CUBN: variants seen among roughly 807,000 people sequenced by gnomAD.
The protein encoded by CUBN is 460 kDa receptor.
A neutral mutation model predicts 405.3 loss-of-function variants in CUBN; 282 were observed. The observed-to-expected ratio is 0.70, with a 90% CI of 0.63 to 0.77. The LOEUF is 0.77. Among genes scored for constraint, CUBN ranks in the 30% least tolerant of loss-of-function variants. The pLI is 0.00. For missense variants in CUBN, 4,514 were observed against 4,475.2 expected (o/e 1.01, Z -0.25); for synonymous variants, 1,684 against 1,617.0 (o/e 1.04, Z -0.99).
chr10:17,023,243 G>A (rs2131790826), intron 27 of CUBN, among the ~76,000 whole-genome samples: 1 of 143,716 alleles, frequency 7.0e-6, no homozygotes, highest in Non-Finnish European at 1.5e-5. Flanking sequence ...CAACACTGAT[G>A]AATGACAATT....
intron 31 of CUBN, among the ~76,000 whole-genome samples, chr10:16,976,900 A>C (rs367578589): frequency 5.3e-5 from 8 of 152,060 alleles, no homozygotes; most frequent in Admixed American, 3.3e-4. Context: ...TCAGTTCTCA[A>C]ATTTGTAGTT....
intron 6 of CUBN, among the ~76,000 whole-genome samples, 170 bp from the exon 7 acceptor site, chr10:17,115,767 C>T (rs1246034433): frequency 1.3e-5 from 2 of 152,258 alleles, no homozygotes; most frequent in Non-Finnish European, 2.9e-5. Flanking sequence ...AATCACTCTG[C>T]TGTGCTCCAA....
At position 17,103,612 on chromosome 10, in the gene CUBN, A is replaced by C. The variant is rs571783562; in HGVS notation, c.1418-375T>G. On this transcript the variant is annotated intron_variant, in intron 12 of 66. Coordinates refer to ENST00000377833, the MANE Select transcript of CUBN (RefSeq NM_001081.4). The stretch of plus-strand genomic sequence containing the variant: ...TCCTCAGCTGCAAGGTGAGCAGTTC[A>C]TAAGTGGAGACAGTATTTTACACTT... Among the ~76,000 whole-genome samples, 3 of 152,250 alleles carry C rather than the reference A, an allele frequency of 2.0e-5. No individual in the cohort carries two copies. In the South Asian group the frequency reaches 6.2e-4, roughly 31 times the overall value.
chr10:16,974,302 C>G (rs1833025101), intron 31 of CUBN, among the ~76,000 whole-genome samples: 1 of 152,224 alleles, frequency 6.6e-6, no homozygotes, highest in South Asian at 2.1e-4. Context: ...TTAGCTGAAG[C>G]ACTGTGCTGA....
intron 27 of CUBN, among the ~76,000 whole-genome samples, chr10:17,020,510 C>G (rs540377727): frequency 3.9e-5 from 6 of 151,930 alleles, no homozygotes; most frequent in Admixed American, 2.0e-4. Flanking sequence ...TAAATGCTAC[C>G]TGTAAAATAA....
Position 17,088,166 on chromosome 10 carries a change from C to G in CUBN, c.1945G>C (p.Glu649Gln). ...TCTATCTAAATATAATTATTTACCT[C>G]AAGGTAATCTTTGTTGCAGTCATCA... ...HHDDCNKDYLEIRDGPLYQDP... is the reference protein window; with the variant it reads ...HHDDCNKDYLQIRDGPLYQDP... The change falls in exon 15 of 67, where the codon GAG (glutamate) becomes CAG (glutamine). Residue 649 changes from glutamate to glutamine, a missense_variant and splice_region_variant. Transcript: ENST00000377833. 2.5e-6 allele frequency: 4 copies of G among 1,608,872 alleles called. No homozygotes were observed. The East Asian group carries it at 8.9e-5, about 36-fold the overall frequency.
chr10:16,931,856 C>A (rs1236001660), intron 40 of CUBN, among the ~76,000 whole-genome samples: 1 of 152,106 alleles, frequency 6.6e-6, no homozygotes, highest in Non-Finnish European at 1.5e-5. Flanking sequence ...AAAAGAATAA[C>A]CATAATTTAC....
At chr10:16,971,285 G>T (rs1832925047) in intron 31 of CUBN, among the ~76,000 whole-genome samples, 1 of 152,188 alleles carries the variant, frequency 6.6e-6, no homozygotes, top group South Asian at 2.1e-4. Flanking sequence ...GGACTTTGGG[G>T]TACGTTTCCC....
chr10:17,001,497 G>T (rs905838662), intron 28 of CUBN, among the ~76,000 whole-genome samples: 1 of 152,176 alleles, frequency 6.6e-6, no homozygotes, highest in Non-Finnish European at 1.5e-5. Flanking sequence ...GCCACAGAGC[G>T]CCGACTGGCG....
Position 17,114,037 on chromosome 10 carries a change from G to A in CUBN, c.873C>T (p.Ala291=). The change falls in exon 8 of 67, where the codon GCC becomes GCT. Residue 291 remains alanine, a synonymous_variant. Coordinates refer to ENST00000377833, the MANE Select transcript of CUBN (RefSeq NM_001081.4). The part of the protein sequence containing the change: ...FNTQGSFYCG[A]CPTGWQGNGY... Reference sequence around the variant, plus strand: ...GCCCTGAGAATGTACCTGTTGGACAGGCCCCACAGTAGAAAGAGCCTTGAG... The same window carrying A: ...GCCCTGAGAATGTACCTGTTGGACAAGCCCCACAGTAGAAAGAGCCTTGAG... 1 of 1,612,658 alleles carries A rather than the reference G, an allele frequency of 6.2e-7. No homozygotes were observed. Among genetic ancestry groups the A allele is most frequent in the South Asian group, 1.1e-5 (1 of 90,626 alleles).
At chr10:16,859,254 T>C (rs1328550661) in intron 59 of CUBN, among the ~76,000 whole-genome samples, 1 of 151,892 alleles carries the variant, frequency 6.6e-6, no homozygotes, top group Non-Finnish European at 1.5e-5. Flanking sequence ...TGAGAATAGA[T>C]AAAAAGCTCT....
At position 16,928,259 on chromosome 10, in the gene CUBN, C is replaced by T; in HGVS notation, c.6169G>A (p.Glu2057Lys). 1 of 1,613,936 alleles carries T rather than the reference C, an allele frequency of 6.2e-7. No homozygotes were observed. Among genetic ancestry groups the T allele is most frequent in the Non-Finnish European group, 8.5e-7 (1 of 1,179,900 alleles). Residue 2057 changes from glutamate to lysine, a missense_variant, in exon 41 of 67, where the codon GAG (glutamate) becomes AAG (lysine). By Grantham distance (56) the Glu-to-Lys change is moderately conservative. Coordinates refer to ENST00000377833, the MANE Select transcript of CUBN (RefSeq NM_001081.4). ...AQQLAVLCGR[E>K]IPGPIRSTGE... ...GTAGACCGGATGGGCCCAGGGATCT[C>T]TCTGCCACAGAGAACTGCTAGCTGC...
intron 59 of CUBN, among the ~76,000 whole-genome samples, chr10:16,852,149 CTCT>C (rs1839727030): frequency 7.7e-6 from 1 of 130,352 alleles, no homozygotes; most frequent in Non-Finnish European, 1.7e-5. Context: ...CCCTCCCTCA[CTCT>C]ATCTTTCCCT....
chr10:16,978,359 T>C (rs1454774948), intron 31 of CUBN, among the ~76,000 whole-genome samples: 3 of 152,210 alleles, frequency 2.0e-5, no homozygotes, highest in African/African-American at 7.2e-5. Context: ...CATTGGCTAC[T>C]TTTAGAAAGA....
intron 49 of CUBN, among the ~76,000 whole-genome samples, chr10:16,906,650 G>T (rs895669292): frequency 1.3e-5 from 2 of 152,152 alleles, no homozygotes; most frequent in African/African-American, 4.8e-5. Context: ...ATTAAGTGGT[G>T]GGCGTTTGGC....
At chr10:17,050,767 G>A (rs1328806915) in intron 22 of CUBN, among the ~76,000 whole-genome samples, 1 of 152,022 alleles carries the variant, frequency 6.6e-6, no homozygotes, top group African/African-American at 2.4e-5. Flanking sequence ...AGAACTTCCG[G>A]GCCAAAGGAT....
intron 40 of CUBN, among the ~76,000 whole-genome samples, chr10:16,932,497 CA>C (rs11353158): frequency 0.18 from 27,422 of 152,104 alleles, 2,605 homozygotes; most frequent in East Asian, 0.3. Flanking sequence ...TGCCTGTGTA[CA>C]AAGGAAAGAA....
Position 16,968,749 on chromosome 10 carries a change from G to A in CUBN, c.4695+13735C>T, listed in dbSNP as rs1166291696. ...TAAGCAATTTAACTGTCAGTCAGAGGTCACTTTAATACTCAGCCTTCGTGA... is the reference window on the plus strand; with the variant it reads ...TAAGCAATTTAACTGTCAGTCAGAGATCACTTTAATACTCAGCCTTCGTGA... On this transcript the variant is annotated intron_variant, in intron 31 of 66. Transcript: ENST00000377833. 3.3e-5 allele frequency among the ~76,000 whole-genome samples: 5 copies of A among 152,224 alleles called. No homozygotes were observed. In the East Asian group the frequency reaches 9.6e-4, roughly 29 times the overall value.
At chr10:17,082,316 G>T (rs574246924) in intron 17 of CUBN, among the ~76,000 whole-genome samples, 2 of 152,284 alleles carry the variant, frequency 1.3e-5, no homozygotes, top group South Asian at 4.1e-4. Flanking sequence ...GAAGTTAGGT[G>T]AACTAACTTT....
Sources: allele counts gnomAD v4.1 joint callset (sites outside exome capture counted in the v4.1 genomes callset), GRCh38; gene constraint gnomAD v4.1.1; transcripts MANE v1.5; gene names NCBI Gene and HGNC (gene_info 2026-07-23, HGNC 2026-07-21).